Variants in COLGALT1 observed in about 807,000 individuals in gnomAD.
The protein encoded by COLGALT1 is procollagen galactosyltransferase 1.
COLGALT1 carries 43 observed loss-of-function variants against 60.8 expected under a neutral mutation model. That is an observed-to-expected ratio of 0.71 (90% CI 0.55 to 0.91). The LOEUF (loss-of-function observed/expected upper bound fraction) is 0.91, where lower values mean the gene tolerates loss of function less well. Ranked by LOEUF, COLGALT1 falls within the 40% of genes least tolerant of loss-of-function variation. The pLI, the probability that COLGALT1 is intolerant of heterozygous loss-of-function variation, is 0.00. For synonymous variants in COLGALT1, 369 were observed against 374.2 expected, an observed-to-expected ratio of 0.99 and a Z score of 0.16; for missense variants, 845 against 880.0, an observed-to-expected ratio of 0.96 and a Z score of 0.50.
Position 17,559,383 on chromosome 19 carries a change from G to C in COLGALT1, c.333G>C (p.Leu111Phe). 3.2e-6 allele frequency: 5 copies of C among 1,552,188 alleles called. No individual in the cohort carries two copies. The highest frequency in any genetic ancestry group is 4.4e-6 in the Non-Finnish European group (5 of 1,147,308). Reference protein sequence around the residue: ...LREWLVAVKSLYHSVEWRPAE... With the variant: ...LREWLVAVKSFYHSVEWRPAE... The stretch of plus-strand genomic sequence containing the variant: ...AGTGGCTGGTGGCCGTGAAGAGTTT[G>C]TACCATTCCGTGGAGTGGCGGCCAG... The change falls in exon 2 of 12, where the codon TTG becomes TTC. Residue 111 changes from leucine (L) to phenylalanine (F), a missense_variant. Leu to Phe is a conservative substitution (Grantham distance 22, BLOSUM62 0). Transcript: ENST00000252599.
At chr19:17,581,090 G>C (rs544290890) in intron 11 of COLGALT1, 87 bp from the exon 12 acceptor site, 1 of 1,488,966 alleles carries the variant, frequency 6.7e-7, no homozygotes, top group Admixed American at 1.9e-5. Flanking sequence ...ATCTGTCCCC[G>C]CTGACTTCTT....
At chr19:17,567,222 T>C (rs531817069) in intron 3 of COLGALT1, among the ~76,000 whole-genome samples, 184 bp from the exon 4 acceptor site, 17 of 152,246 alleles carry the variant, frequency 1.1e-4, no homozygotes, top group Non-Finnish European at 2.1e-4. Context: ...ACCTTTGCTT[T>C]ATTTCCATGA....
At chr19:17,564,566 G>C (rs1179539360) in intron 3 of COLGALT1, among the ~76,000 whole-genome samples, 2 of 151,568 alleles carry the variant, frequency 1.3e-5, no homozygotes, top group Non-Finnish European at 2.9e-5. Flanking sequence ...ACAGGTGCCC[G>C]CCACCATGCC....
At chr19:17,572,654 C>T (rs1260544111) in intron 6 of COLGALT1, 52 bp downstream of exon 6, 1 of 1,608,286 alleles carries the variant, frequency 6.2e-7, no homozygotes, top group African/African-American at 1.3e-5. Context: ...CTCCCTTTCA[C>T]TGATGTCTCA....
chr19:17,579,812 T>A, intron 10 of COLGALT1: 1 of 643,838 alleles, frequency 1.6e-6, no homozygotes, highest in Non-Finnish European at 2.6e-6. Context: ...AGCTGAATCC[T>A]ACGGGCGTGG....
rs555594306 is a variant in COLGALT1, at chr19:17,581,978, G to A, written c.*534G>A. ...CCAGGCTGGAGTGCAGTGGTGTGAC[G>A]GCTCACTGCAGCCTGCGCCTCCCAG... On this transcript the variant is annotated 3_prime_UTR_variant, in exon 12 of 12. Transcript: ENST00000252599. 6.4e-6 allele frequency: 1 copy of A among 155,406 alleles called. No homozygotes were observed. The highest frequency in any genetic ancestry group is 1.9e-4 in the East Asian group (1 of 5,274). The allele number at this position is 155,406 out of a possible 1,614,324, so 9.6% of individuals were successfully genotyped here.
rs759994455 is a variant in COLGALT1, at chr19:17,568,536, A to G, written c.652A>G (p.Ile218Val). 6 of 1,614,112 alleles carry G rather than the reference A, an allele frequency of 3.7e-6. No homozygotes were observed. Among genetic ancestry groups the G allele is most frequent in the East Asian group, 4.5e-5 (2 of 44,874 alleles). The change falls in exon 5 of 12, where the codon ATC becomes GTC. Residue 218 changes from isoleucine (I) to valine (V), a missense_variant. Ile to Val is a conservative substitution (Grantham distance 29). Transcript: ENST00000252599. ...QGYYKRTPAY[I>V]PIRKRDRRGC... ...CTACTACAAGCGCACACCTGCCTAC[A>G]TCCCTATCCGCAAGCGAGACCGCCG...
Position 17,581,430 on chromosome 19 carries a change from C to A in COLGALT1, c.1855C>A (p.Arg619=). ...CCAGTCCCCACTGGACAGTGCTGCC[C>A]GGGATGAACTCTGAGGGGTAGCAGC... ...VLQSPLDSAA[R]DEL The change falls in exon 12 of 12, where the codon CGG becomes AGG. Residue 619 remains arginine, a synonymous_variant. Transcript: ENST00000252599. The A allele has an allele frequency of 6.2e-7, 1 of 1,608,586 alleles. No individual in the cohort carries two copies. The highest frequency in any genetic ancestry group is 8.5e-7 in the Non-Finnish European group (1 of 1,179,476).
intron 6 of COLGALT1, among the ~76,000 whole-genome samples, chr19:17,572,803 A>G (rs2069836611): frequency 1.3e-5 from 2 of 152,136 alleles, no homozygotes; most frequent in Admixed American, 1.3e-4. Flanking sequence ...AGCTGTACAC[A>G]GCATGCTTGG....
intron 1 of COLGALT1, among the ~76,000 whole-genome samples, chr19:17,556,291 C>A (rs1399758869): frequency 6.6e-6 from 1 of 152,226 alleles, no homozygotes; most frequent in Non-Finnish European, 1.5e-5. Context: ...CCTGCTGGAC[C>A]CTACTAGGGC....
In COLGALT1 at chr19:17,578,027, G is replaced by T. The variant is rs1413394794; in HGVS notation, c.1204G>T (p.Gly402Cys). 6.2e-7 allele frequency: 1 copy of T among 1,611,654 alleles called. No homozygotes were observed. The highest frequency in any genetic ancestry group is 8.5e-7 in the Non-Finnish European group (1 of 1,179,202). ...MLPGYRDPYHGRPLTKGELGC... is the reference protein window; with the variant it reads ...MLPGYRDPYHCRPLTKGELGC... ...GCCTGGCTACCGGGACCCCTACCAC[G>T]GCCGGCCCCTCACCAAGGGTGAGCT... Residue 402 changes from glycine to cysteine, a missense_variant, in exon 9 of 12, where the codon GGC (glycine) becomes TGC (cysteine). Physicochemically the swap from Gly to Cys is radical, Grantham distance 159. Coordinates refer to ENST00000252599, the MANE Select transcript of COLGALT1 (RefSeq NM_024656.4).
chr19:17,566,897 T>C (rs2076282420), intron 3 of COLGALT1, among the ~76,000 whole-genome samples: 1 of 152,166 alleles, frequency 6.6e-6, no homozygotes, highest in Non-Finnish European at 1.5e-5. Context: ...ACGAATCACA[T>C]GAGGTCAGGA....
chr19:17,560,929 G>C (rs958638083), intron 3 of COLGALT1, among the ~76,000 whole-genome samples: 1 of 151,822 alleles, frequency 6.6e-6, no homozygotes, highest in Non-Finnish European at 1.5e-5. Flanking sequence ...TGGAAGCCAG[G>C]CATGGTGGCT....
chr19:17,556,594 T>C, intron 1 of COLGALT1: 1 of 949,242 alleles, frequency 1.1e-6, no homozygotes, highest in African/African-American at 1.8e-5. Context: ...TGGTGACTTC[T>C]CACTCCCTGC....
Position 17,581,573 on chromosome 19 carries a change from C to A in COLGALT1, c.*129C>A. ...GCTCTCGTGTGGGGTGGTGTCCAGC[C>A]AGCTCTTGCTAAGCAATCACGTGCA... On this transcript the variant is annotated 3_prime_UTR_variant, in exon 12 of 12. Coordinates refer to ENST00000252599, the MANE Select transcript of COLGALT1 (RefSeq NM_024656.4). The A allele has an allele frequency of 8.0e-7, 1 of 1,245,968 alleles. No homozygotes were observed. The highest frequency in any genetic ancestry group is 1.5e-5 in the South Asian group (1 of 64,934). 77.2% of individuals were successfully genotyped at this position (1,245,968 alleles called of 1,614,324 possible).
intron 1 of COLGALT1, among the ~76,000 whole-genome samples, chr19:17,557,170 A>G (rs989620441): frequency 6.6e-6 from 1 of 152,214 alleles, no homozygotes; most frequent in African/African-American, 2.4e-5. Flanking sequence ...CTCAGTCTGG[A>G]TAATCCAAAT....
chr19:17,567,464 A>C lies in COLGALT1; in HGVS notation c.548A>C (p.Glu183Ala). The C allele has an allele frequency of 6.2e-7, 1 of 1,614,136 alleles. No homozygotes were observed. The highest frequency in any genetic ancestry group is 8.5e-7 in the Non-Finnish European group (1 of 1,179,982). ...NPDTLSLLIA[E>A]NKTVVAPMLD... is the part of the protein sequence containing the mutation. ...GACACACTGAGCCTGCTCATCGCTG[A>C]GAACAAGACGGTGGTCGCCCCCATG... Residue 183 changes from glutamate to alanine, a missense_variant, in exon 4 of 12, where the codon GAG becomes GCG. Coordinates refer to ENST00000252599, the MANE Select transcript of COLGALT1 (RefSeq NM_024656.4).
At chr19:17,563,498 C>G (rs939384949) in intron 3 of COLGALT1, among the ~76,000 whole-genome samples, 1 of 152,040 alleles carries the variant, frequency 6.6e-6, no homozygotes, top group African/African-American at 2.4e-5. Context: ...TACAGGCGCC[C>G]GCCACAACAC....
Position 17,568,718 on chromosome 19 carries a change from G to A in COLGALT1, c.829+5G>A. The A allele has an allele frequency of 5.6e-6, 9 of 1,613,970 alleles. No homozygotes were observed. The highest frequency in any genetic ancestry group is 1.1e-5 in the South Asian group (1 of 91,084). ...CCTTCTCCTGCAAGCAGGCAGGTAC[G>A]TACATGAGGGGTCTGCCATCGCAGG... On this transcript the variant is annotated splice_donor_5th_base_variant and intron_variant, in intron 5 of 11. Transcript: ENST00000252599.
Sources: gnomAD v4.1 joint callset for allele counts (sites outside exome capture counted in the v4.1 genomes callset) on GRCh38, gnomAD v4.1.1 for gene constraint, MANE v1.5 for transcripts, NCBI Gene and HGNC (gene_info 2026-07-23, HGNC 2026-07-21) for gene names.